Variants in ENPP3 observed in about 807,000 individuals in gnomAD.
The protein encoded by ENPP3 is ectonucleotide pyrophosphatase/phosphodiesterase 3.
In ENPP3, 104 loss-of-function variants were observed where a neutral mutation model predicts 117.8. The ratio of observed to expected loss-of-function variants is 0.88; its 90% CI spans 0.75 to 1.04. ENPP3 has a LOEUF of 1.04. Ranked by LOEUF, ENPP3 falls within the 50% of genes least tolerant of loss-of-function variation. The probability of loss-of-function intolerance (pLI) is 0.00; values close to 1 mark genes in which losing one functional copy is unlikely to be tolerated. For missense variants in ENPP3, 1,026 were observed against 1,051.9 expected (o/e 0.98, Z 0.34); for synonymous variants, 380 against 349.9 (o/e 1.09, Z -0.96).
At chr6:131,703,992 G>C (rs1376505996) in intron 15 of ENPP3, among the ~76,000 whole-genome samples, 2 of 151,598 alleles carry the variant, frequency 1.3e-5, no homozygotes, top group African/African-American at 4.9e-5. Flanking sequence ...CAGTGATAAA[G>C]AGAATGAGAC....
intron 11 of ENPP3, among the ~76,000 whole-genome samples, chr6:131,679,035 T>TC (rs1778956404): frequency 2.8e-5 from 3 of 105,398 alleles, no homozygotes; most frequent in Admixed American, 1.0e-4. Context: ...CCTTCTTTCT[T>TC]TCTTTCTTTC....
chr6:131,641,799 GTTTTTTTTTTT>G lies in ENPP3; in HGVS notation c.154+283_154+293del, dbSNP rs540011427. 1.2e-4 allele frequency among the ~76,000 whole-genome samples: 8 copies of G among 64,052 alleles called. No individual in the cohort carries two copies. In the Admixed American group the frequency reaches 1.6e-3, roughly 13 times the overall value. 42.0% of individuals were successfully genotyped at this position (64,052 alleles called of 152,430 possible). On this transcript the variant is annotated intron_variant, in intron 2 of 24. Transcript: ENST00000357639. Reference sequence around the variant, plus strand: ...TTTTCTCTTACCTTTCTCCACCCTGGTTTTTTTTTTTTTTTTTTTTTTTTGGCAAGATCTCA... The same window carrying G: ...TTTTCTCTTACCTTTCTCCACCCTGGTTTTTTTTTTTTTGGCAAGATCTCA...
At chr6:131,640,484 C>T (rs1778018249) in intron 1 of ENPP3, among the ~76,000 whole-genome samples, 1 of 152,190 alleles carries the variant, frequency 6.6e-6, no homozygotes, top group Non-Finnish European at 1.5e-5. Context: ...TTGTTGAATT[C>T]ACTTCCATTG....
At position 131,673,247 on chromosome 6, in the gene ENPP3, G is replaced by A. The variant is rs141281295; in HGVS notation, c.643-915G>A. Among the ~76,000 whole-genome samples the A allele has an allele frequency of 8.0e-3, 1,214 of 152,098 alleles. 12 individuals carry two copies. The highest frequency in any genetic ancestry group is 0.024 in the African/African-American group (1,013 of 41,484). On this transcript the variant is annotated intron_variant, in intron 7 of 24. Transcript: ENST00000357639. ...CTCCATATGTGTGGGTTCTGAATCC[G>A]TGGATTCAACTAACTGTGGATTGAA...
At chr6:131,720,922 T>C (rs1457490664) in intron 17 of ENPP3, among the ~76,000 whole-genome samples, 3 of 152,172 alleles carry the variant, frequency 2.0e-5, no homozygotes, top group South Asian at 2.1e-4. Flanking sequence ...GACCAACCTT[T>C]TCTATTAGTT....
At chr6:131,730,708 C>T (rs923386882) in intron 20 of ENPP3, among the ~76,000 whole-genome samples, 4 of 152,088 alleles carry the variant, frequency 2.6e-5, no homozygotes, top group African/African-American at 7.2e-5. Context: ...TGAGGTCAGG[C>T]GTTTGAGACC....
intron 14 of ENPP3, among the ~76,000 whole-genome samples, chr6:131,691,813 T>G (rs769662289): frequency 2.2e-4 from 34 of 152,132 alleles, no homozygotes; most frequent in Non-Finnish European, 3.7e-4. Flanking sequence ...TGGGGGAAGC[T>G]GCATACTCAG....
chr6:131,741,502 T>C (rs1353515637), intron 24 of ENPP3, among the ~76,000 whole-genome samples: 1 of 152,200 alleles, frequency 6.6e-6, no homozygotes. Context: ...TCAATAAAGA[T>C]TTCATAAAAT....
chr6:131,746,652 T>C, intron 24 of ENPP3, 134 bp from the exon 25 acceptor site: 4 of 662,382 alleles, frequency 6.0e-6, no homozygotes, highest in Middle Eastern at 5.6e-4. Context: ...AAAAACTAAA[T>C]TTAGCTGTAT....
chr6:131,725,912 T>C (rs1780144292), intron 19 of ENPP3, 134 bp from the exon 20 acceptor site: 1 of 515,182 alleles, frequency 1.9e-6, no homozygotes, highest in East Asian at 2.9e-5. Flanking sequence ...GTTAAATATG[T>C]AAAATATTTG....
At chr6:131,720,870 C>A (rs1780003440) in intron 17 of ENPP3, among the ~76,000 whole-genome samples, 1 of 152,186 alleles carries the variant, frequency 6.6e-6, no homozygotes, top group African/African-American at 2.4e-5. Flanking sequence ...CGGGCATGAG[C>A]TACCATGCCC....
At chr6:131,727,028 A>C (rs778508264) in intron 20 of ENPP3, among the ~76,000 whole-genome samples, 4 of 152,236 alleles carry the variant, frequency 2.6e-5, no homozygotes, top group Non-Finnish European at 4.4e-5. Flanking sequence ...ATTAGACTAC[A>C]TAAACATTAA....
intron 5 of ENPP3, 84 bp from the exon 6 acceptor site, chr6:131,658,239 C>A: frequency 2.7e-6 from 2 of 731,258 alleles, no homozygotes; most frequent in South Asian, 1.6e-5. Flanking sequence ...TTACCTTAAA[C>A]ACAGGTCTAA....
At chr6:131,656,152 G>A (rs960204998) in intron 5 of ENPP3, among the ~76,000 whole-genome samples, 2 of 152,192 alleles carry the variant, frequency 1.3e-5, no homozygotes, top group East Asian at 3.9e-4. Flanking sequence ...GCCTAGCTCT[G>A]CCCCTACTGG....
At chr6:131,654,109 T>TTA (rs1778325283) in intron 5 of ENPP3, among the ~76,000 whole-genome samples, 1 of 143,306 alleles carries the variant, frequency 7.0e-6, no homozygotes, top group African/African-American at 2.6e-5. Flanking sequence ...AAATTTAAGT[T>TTA]TTATTATTAT....
chr6:131,730,717 C>T (rs1437686537), intron 20 of ENPP3, among the ~76,000 whole-genome samples: 3 of 152,126 alleles, frequency 2.0e-5, no homozygotes, highest in African/African-American at 7.2e-5. Flanking sequence ...GCGTTTGAGA[C>T]CAGCCTGGCC....
intron 10 of ENPP3, among the ~76,000 whole-genome samples, chr6:131,677,421 C>T (rs1443018554): frequency 6.6e-6 from 1 of 152,090 alleles, no homozygotes; most frequent in Non-Finnish European, 1.5e-5. Flanking sequence ...AGGATAGACT[C>T]CAAGAGCACA....
intron 21 of ENPP3, among the ~76,000 whole-genome samples, chr6:131,736,543 G>T (rs1017127171): frequency 2.0e-5 from 3 of 151,980 alleles, no homozygotes; most frequent in African/African-American, 7.3e-5. Flanking sequence ...CTCCCACAGG[G>T]TCCCTCCCAC....
At chr6:131,730,914 CAAAA>C (rs528990087) in intron 20 of ENPP3, among the ~76,000 whole-genome samples, 2 of 98,126 alleles carry the variant, frequency 2.0e-5, no homozygotes. Flanking sequence ...GACTCCATCT[CAAAA>C]AAAAAAAAAA....
Sources: allele counts gnomAD v4.1 joint callset (sites outside exome capture counted in the v4.1 genomes callset), GRCh38; gene constraint gnomAD v4.1.1; transcripts MANE v1.5; gene names NCBI Gene and HGNC (gene_info 2026-07-23, HGNC 2026-07-21).